MICU3: variants seen among roughly 807,000 people sequenced by gnomAD.
MICU3 encodes the protein calcium uptake protein 3, mitochondrial.
A neutral mutation model predicts 66.5 loss-of-function variants in MICU3; 62 were observed. That is an observed-to-expected ratio of 0.93 (90% CI 0.76 to 1.15). The LOEUF is 1.15. Among genes scored for constraint, MICU3 ranks in the 50% most tolerant of loss-of-function variants. MICU3 has a pLI of 0.00. For synonymous variants in MICU3, 308 were observed against 240.7 expected, an observed-to-expected ratio of 1.28 and a Z score of -2.59; for missense variants, 779 against 664.4, an observed-to-expected ratio of 1.17 and a Z score of -1.90.
intron 1 of MICU3, among the ~76,000 whole-genome samples, chr8:17,060,802 T>C (rs1303360954): frequency 1.2e-5 from 1 of 81,402 alleles, no homozygotes; most frequent in Non-Finnish European, 2.6e-5. Context: ...TAGGATATAA[T>C]TTTTTTTTTT....
Position 17,120,863 on chromosome 8 carries a change from T to G in MICU3, c.*576T>G. The G allele has an allele frequency of 6.6e-6, 1 of 152,424 alleles. No individual in the cohort carries two copies. The highest frequency in any genetic ancestry group is 1.9e-4 in the East Asian group (1 of 5,202). The allele number at this position is 152,424 out of a possible 1,614,324, so 9.4% of individuals were successfully genotyped here. ...ATATAAAACAATTGTTTACGTGTAC[T>G]TTTAACTTTTAAAAGTACTTAATTA... is the stretch of plus-strand genomic sequence containing the variant. On this transcript the variant is annotated 3_prime_UTR_variant, in exon 15 of 15. Coordinates refer to ENST00000318063, the MANE Select transcript of MICU3 (RefSeq NM_181723.3).
intron 1 of MICU3, among the ~76,000 whole-genome samples, chr8:17,032,916 C>G (rs1039467249): frequency 3.3e-5 from 5 of 152,142 alleles, no homozygotes; most frequent in Non-Finnish European, 5.9e-5. Context: ...AATCTGTGAT[C>G]ATTTATCTTT....
At chr8:17,032,322 C>T (rs1410221167) in intron 1 of MICU3, among the ~76,000 whole-genome samples, 1 of 151,910 alleles carries the variant, frequency 6.6e-6, no homozygotes, top group Admixed American at 6.6e-5. Context: ...AAGTTTTAGC[C>T]TTAAAGCACT....
chr8:17,031,262 T>TTTTTTTTTATTATTATTATTA (rs111800861), intron 1 of MICU3, among the ~76,000 whole-genome samples: 78 of 139,192 alleles, frequency 5.6e-4, no homozygotes, highest in African/African-American at 2.0e-3. Flanking sequence ...TGCCACTTCA[T>TTTTTTTTTATTATTATTATTA]TTATTATTAT....
At chr8:17,054,063 T>A (rs1340704424) in intron 1 of MICU3, among the ~76,000 whole-genome samples, 1 of 152,220 alleles carries the variant, frequency 6.6e-6, no homozygotes, top group African/African-American at 2.4e-5. Context: ...GCAAGGTCTT[T>A]TTGATAGAAA....
chr8:17,119,772 G>C (rs1276309361), intron 14 of MICU3, among the ~76,000 whole-genome samples: 1 of 152,052 alleles, frequency 6.6e-6, no homozygotes, highest in African/African-American at 2.4e-5. Flanking sequence ...TTACAAATTA[G>C]GTTTGAGATC....
chr8:17,113,117 G>T (rs1188303648), intron 11 of MICU3, among the ~76,000 whole-genome samples: 1 of 152,196 alleles, frequency 6.6e-6, no homozygotes, highest in African/African-American at 2.4e-5. Flanking sequence ...GAGTGTTTGG[G>T]TAATAAATCA....
intron 2 of MICU3, among the ~76,000 whole-genome samples, chr8:17,068,274 G>A (rs1175317096): frequency 1.3e-5 from 2 of 152,064 alleles, no homozygotes; most frequent in African/African-American, 4.8e-5. Flanking sequence ...AAAGATAATA[G>A]TATTGAACAT....
At chr8:17,083,936 G>A (rs1821565573) in intron 5 of MICU3, among the ~76,000 whole-genome samples, 1 of 151,986 alleles carries the variant, frequency 6.6e-6, no homozygotes, top group Non-Finnish European at 1.5e-5. Flanking sequence ...GATGGGACAG[G>A]GTATAGTTTA....
intron 13 of MICU3, among the ~76,000 whole-genome samples, chr8:17,117,759 C>T (rs1802822347): frequency 6.6e-6 from 1 of 152,050 alleles, no homozygotes; most frequent in Non-Finnish European, 1.5e-5. Flanking sequence ...CAGGTGTGCA[C>T]AACCGTGCCC....
chr8:17,077,719 GT>G (rs1820587582), intron 3 of MICU3, 63 bp from the exon 4 acceptor site: 1 of 1,156,462 alleles, frequency 8.6e-7, no homozygotes, highest in Non-Finnish European at 1.3e-6. Flanking sequence ...ATTTAAACAT[GT>G]TTTTGATCTA....
At chr8:17,108,835 A>G (rs1417397105) in intron 11 of MICU3, among the ~76,000 whole-genome samples, 2 of 152,174 alleles carry the variant, frequency 1.3e-5, no homozygotes, top group Admixed American at 1.3e-4. Context: ...GAATCCTTAC[A>G]GTGGCTCCTA....
At chr8:17,087,062 G>T (rs372387819) in intron 7 of MICU3, 27 bp downstream of exon 7, 20 of 1,473,044 alleles carry the variant, frequency 1.4e-5, no homozygotes, top group Admixed American at 1.8e-5. Flanking sequence ...GTAGCTTTAG[G>T]TGGCTTTTGT....
the MICU3 span, among the ~76,000 whole-genome samples, chr8:17,137,926 G>A: frequency 4.6e-5 from 7 of 151,618 alleles, no homozygotes; most frequent in African/African-American, 9.7e-5. Context: ...CATATTGGCC[G>A]GGATGGTCTT....
intron 7 of MICU3, among the ~76,000 whole-genome samples, chr8:17,089,148 G>A (rs570804706): frequency 4.0e-5 from 6 of 151,828 alleles, no homozygotes; most frequent in East Asian, 1.9e-4. Flanking sequence ...GGAAGTATTC[G>A]TTTTATGTAA....
chr8:17,049,483 A>C (rs968707787), intron 1 of MICU3: 1 of 477,662 alleles, frequency 2.1e-6, no homozygotes, highest in Non-Finnish European at 4.1e-6. Flanking sequence ...TGTAGTTTTC[A>C]TTTAATCTTT....
intron 1 of MICU3, among the ~76,000 whole-genome samples, chr8:17,041,456 A>C (rs990758291): frequency 1.6e-4 from 24 of 152,182 alleles, no homozygotes; most frequent in Admixed American, 1.6e-3. Context: ...TGGAGGTGAT[A>C]ATCAGATTAC....
rs1029020708 is a variant in MICU3, at chr8:17,121,883, A to C, written c.*1596A>C. 9 of 151,768 alleles carry C rather than the reference A, an allele frequency of 5.9e-5. No homozygotes were observed. Among genetic ancestry groups the C allele is most frequent in the Admixed American group, 3.9e-4 (6 of 15,248 alleles). The allele number at this position is 151,768 out of a possible 1,614,324, so 9.4% of individuals were successfully genotyped here. A position where few individuals can be genotyped will look rare whatever the true frequency, so the allele number is the denominator to read the frequency against. On this transcript the variant is annotated 3_prime_UTR_variant, in exon 15 of 15. Transcript: ENST00000318063. ...GAAAGTTGATTTAATTGACTGACTA[A>C]ATGAAAATGCCTACCCACTCATATA...
At position 17,040,149 on chromosome 8, in the gene MICU3, C is replaced by T. The variant is rs537561809; in HGVS notation, c.381+12489C>T. On this transcript the variant is annotated intron_variant, in intron 1 of 14. Coordinates refer to ENST00000318063, the MANE Select transcript of MICU3 (RefSeq NM_181723.3). ...TCTCGAACTCCCGATCTCAGGTGAT[C>T]CGCCCACCTCGGCCTCCCGAAGTGT... is the stretch of plus-strand genomic sequence containing the variant. Among the ~76,000 whole-genome samples the T allele has an allele frequency of 5.6e-3, 857 of 152,114 alleles. 8 individuals are homozygous for T. The highest frequency in any genetic ancestry group is 0.02 in the African/African-American group (822 of 41,524).
Sources: gnomAD v4.1 joint callset for allele counts (sites outside exome capture counted in the v4.1 genomes callset) on GRCh38, gnomAD v4.1.1 for gene constraint, MANE v1.5 for transcripts, NCBI Gene and HGNC (gene_info 2026-07-23, HGNC 2026-07-21) for gene names.